Variants in RANBP2 observed in about 807,000 individuals in gnomAD.
The protein encoded by RANBP2 is RAN binding protein 2, also known as E3 SUMO-protein ligase RanBP2.
In RANBP2, 57 loss-of-function variants were observed where a neutral mutation model predicts 303.6. The ratio of observed to expected loss-of-function variants is 0.19; its 90% CI spans 0.15 to 0.23. RANBP2 has a LOEUF of 0.23. Ranked by LOEUF, RANBP2 falls within the 10% of genes least tolerant of loss-of-function variation. The pLI is 1.00. For synonymous variants in RANBP2, 1,167 were observed against 1,301.5 expected (o/e 0.90, Z 2.23); for missense variants, 3,138 against 3,780.8 (o/e 0.83, Z 4.46).
chr2:109,614,383 C>T, the RANBP2 span: 6 of 912,158 alleles, frequency 6.6e-6, no homozygotes, highest in South Asian at 2.8e-4. Flanking sequence ...GGCTGGCAGC[C>T]CGCTGAGCCC....
At chr2:109,566,034 G>C in the RANBP2 span, among the ~76,000 whole-genome samples, 1 of 152,084 alleles carries the variant, frequency 6.6e-6, no homozygotes, top group Non-Finnish European at 1.5e-5. Flanking sequence ...TGTTCTACAA[G>C]AGTCATCTTT....
At chr2:109,097,673 G>T in the RANBP2 span, among the ~76,000 whole-genome samples, 5 of 150,806 alleles carry the variant, frequency 3.3e-5, no homozygotes, top group South Asian at 2.1e-4. Context: ...TTTTACTCAG[G>T]CTGCCTTGGA....
the RANBP2 span, among the ~76,000 whole-genome samples, chr2:109,586,059 T>A: frequency 6.6e-6 from 1 of 151,834 alleles, no homozygotes; most frequent in Non-Finnish European, 1.5e-5. Flanking sequence ...ACAACGAGAG[T>A]CTAGCACTAT....
At chr2:109,613,608 C>T in the RANBP2 span, 44 of 319,360 alleles carry the variant, frequency 1.4e-4, no homozygotes, top group Non-Finnish European at 2.3e-4. Context: ...CGCGCCCAGG[C>T]TCCGCAGAGG....
intron 1 of RANBP2, among the ~76,000 whole-genome samples, chr2:108,728,367 C>CA (rs1694897019): frequency 1.3e-5 from 2 of 152,176 alleles, no homozygotes; most frequent in Non-Finnish European, 1.5e-5. Context: ...AGTCATAACT[C>CA]ACGGCAGTGT....
the RANBP2 span, among the ~76,000 whole-genome samples, chr2:109,541,447 T>C: frequency 6.6e-6 from 1 of 152,220 alleles, no homozygotes; most frequent in Admixed American, 6.5e-5. Context: ...AGGGTTGGCC[T>C]GCCCCGGCCC....
the RANBP2 span, among the ~76,000 whole-genome samples, chr2:108,809,448 TTG>T: frequency 0.57 from 79,980 of 140,782 alleles, 23,506 homozygotes; most frequent in East Asian, 0.8. Flanking sequence ...ACATGAAATG[TTG>T]TGTGTGTGTG....
chr2:108,881,841 A>T, the RANBP2 span, among the ~76,000 whole-genome samples: 1 of 152,144 alleles, frequency 6.6e-6, no homozygotes, highest in South Asian at 2.1e-4. Flanking sequence ...AACAATTACA[A>T]TAGTAACATC....
At chr2:108,850,605 C>T in the RANBP2 span, among the ~76,000 whole-genome samples, 1 of 152,090 alleles carries the variant, frequency 6.6e-6, no homozygotes, top group Admixed American at 6.6e-5. Context: ...GCACGCACCA[C>T]CACACCCTGC....
the RANBP2 span, among the ~76,000 whole-genome samples, chr2:109,262,170 G>A: frequency 6.6e-6 from 1 of 152,154 alleles, no homozygotes; most frequent in African/African-American, 2.4e-5. Flanking sequence ...TCCTGTTATG[G>A]TTACAGTTGT....
the RANBP2 span, among the ~76,000 whole-genome samples, chr2:109,597,624 A>C: frequency 1.3e-5 from 2 of 152,248 alleles, no homozygotes; most frequent in Non-Finnish European, 2.9e-5. Flanking sequence ...AGATACATAT[A>C]TATCACACAC....
At chr2:109,490,771 G>A in the RANBP2 span, 1 of 1,536,704 alleles carries the variant, frequency 6.5e-7, no homozygotes, top group South Asian at 1.2e-5. Flanking sequence ...ATCCACGGCA[G>A]GGCAGGGTCC....
the RANBP2 span, among the ~76,000 whole-genome samples, chr2:109,556,037 A>T: frequency 1.3e-5 from 2 of 152,202 alleles, no homozygotes; most frequent in Admixed American, 1.3e-4. Flanking sequence ...CATCTCTGTG[A>T]CTATCCAGCA....
chr2:109,401,381 G>GT, the RANBP2 span, among the ~76,000 whole-genome samples: 2 of 152,242 alleles, frequency 1.3e-5, no homozygotes, highest in African/African-American at 4.8e-5. Context: ...TGGGTAGGTC[G>GT]TTTGTCTCCT....
At chr2:109,659,394 C>CA in the RANBP2 span, among the ~76,000 whole-genome samples, 65 of 151,874 alleles carry the variant, frequency 4.3e-4, 3 homozygotes, top group East Asian at 9.7e-4. Flanking sequence ...CACAAAAAAA[C>CA]AAAAAAAACA....
At chr2:109,278,161 A>AAT in the RANBP2 span, among the ~76,000 whole-genome samples, 1 of 149,936 alleles carries the variant, frequency 6.7e-6, no homozygotes, top group Admixed American at 6.7e-5. Flanking sequence ...TGAGTGATAG[A>AAT]GCAAGACCCA....
At chr2:109,163,642 G>A in the RANBP2 span, among the ~76,000 whole-genome samples, 11 of 151,768 alleles carry the variant, frequency 7.2e-5, no homozygotes, top group Middle Eastern at 3.4e-3. Flanking sequence ...CTCGTGATCC[G>A]CCCGCCTCGG....
chr2:109,604,081 G>A, the RANBP2 span, among the ~76,000 whole-genome samples: 1 of 148,440 alleles, frequency 6.7e-6, no homozygotes, highest in Non-Finnish European at 1.5e-5. Flanking sequence ...AGAATGGTGT[G>A]AACCTGGGAG....
chr2:109,241,188 C>G, the RANBP2 span, among the ~76,000 whole-genome samples: 1 of 152,046 alleles, frequency 6.6e-6, no homozygotes, highest in Non-Finnish European at 1.5e-5. Context: ...ACTTACATAC[C>G]TCAAAACAAA....
Sources: allele counts gnomAD v4.1 joint callset (sites outside exome capture counted in the v4.1 genomes callset), GRCh38; gene constraint gnomAD v4.1.1; transcripts MANE v1.5; gene names NCBI Gene and HGNC (gene_info 2026-07-23, HGNC 2026-07-21).